Variants in WDR27 observed in about 807,000 individuals in gnomAD.
The protein encoded by WDR27 is WD repeat-containing protein 27.
A neutral mutation model predicts 114.4 loss-of-function variants in WDR27; 100 were observed. The observed-to-expected ratio is 0.87, with a 90% confidence interval of 0.74 to 1.03. The LOEUF (loss-of-function observed/expected upper bound fraction) is 1.03, where lower values mean the gene tolerates loss of function less well. Among genes scored for constraint, WDR27 ranks in the 50% least tolerant of loss-of-function variants. WDR27 has a pLI of 0.00. For missense variants in WDR27, 1,129 were observed against 1,092.9 expected, an observed-to-expected ratio of 1.03 and a Z score of -0.47; for synonymous variants, 449 against 423.1, an observed-to-expected ratio of 1.06 and a Z score of -0.75.
chr6:169,542,660 G>A (rs1187226166), intron 25 of WDR27, among the ~76,000 whole-genome samples: 1 of 152,064 alleles, frequency 6.6e-6, no homozygotes, highest in Non-Finnish European at 1.5e-5. Context: ...CCTGACTTCG[G>A]TAATTGTCCT....
chr6:169,583,298 A>G (rs1227261758), intron 23 of WDR27, among the ~76,000 whole-genome samples: 2 of 34,042 alleles, frequency 5.9e-5, no homozygotes, highest in Non-Finnish European at 1.2e-4. Flanking sequence ...TCCAAATTGA[A>G]TGGAAAAAAA....
chr6:169,675,374 G>A (rs1315272010), intron 2 of WDR27, among the ~76,000 whole-genome samples: 1 of 152,102 alleles, frequency 6.6e-6, no homozygotes, highest in Non-Finnish European at 1.5e-5. Context: ...GGTTCCTGAG[G>A]CCCTCACCAG....
downstream of WDR27, among the ~76,000 whole-genome samples, chr6:169,452,510 CCG>C (rs1784193349): frequency 6.5e-5 from 1 of 15,464 alleles, no homozygotes; most frequent in Non-Finnish European, 1.3e-4. Flanking sequence ...CAGAGAGGAG[CCG>C]TGCGTGGGGT....
intron 3 of WDR27, chr6:169,671,903 G>C (rs1044845773): frequency 6.1e-6 from 1 of 163,160 alleles, no homozygotes; most frequent in Non-Finnish European, 1.3e-5. Context: ...AGGTGCTCAA[G>C]ACCCCTTGCT....
Position 169,546,054 on chromosome 6 carries a change from G to T in WDR27, c.2645+26365C>A, listed in dbSNP as rs368857525. Among the ~76,000 whole-genome samples the T allele has an allele frequency of 1.8e-4, 28 of 151,962 alleles. No homozygotes were observed. The East Asian group carries it at 5.2e-3, about 28-fold the overall frequency. On this transcript the variant is annotated intron_variant, in intron 25 of 25. Coordinates refer to ENST00000448612, the MANE Select transcript of WDR27 (RefSeq NM_182552.5). ...CTCGCCGGCCATTAAGGAAAACACA[G>T]ATCAAAGCCGCAATGCAGTATCTAT...
chr6:169,571,551 C>A (rs549658442), intron 25 of WDR27, among the ~76,000 whole-genome samples: 1 of 152,232 alleles, frequency 6.6e-6, no homozygotes, highest in Middle Eastern at 3.2e-3. Flanking sequence ...CATTGGGCCA[C>A]GTGCGGCAGC....
intron 23 of WDR27, among the ~76,000 whole-genome samples, chr6:169,584,700 T>C (rs542128024): frequency 6.6e-6 from 1 of 152,334 alleles, no homozygotes; most frequent in South Asian, 2.1e-4. Context: ...CATTTTTATA[T>C]TGTCTTTGGA....
Position 169,577,788 on chromosome 6 carries a change from C to T in WDR27, c.2523+5048G>A, listed in dbSNP as rs545614141. Among the ~76,000 whole-genome samples the T allele has an allele frequency of 5.9e-5, 9 of 152,286 alleles. No individual in the cohort carries two copies. In the East Asian group the frequency reaches 1.7e-3, roughly 29 times the overall value. Reference sequence around the variant, plus strand: ...GCCGCAGCAGCTTTTAAACCATTTGCGTTTCTGCCGGTTTGCGCTGGGACA... The same window carrying T: ...GCCGCAGCAGCTTTTAAACCATTTGTGTTTCTGCCGGTTTGCGCTGGGACA... On this transcript the variant is annotated intron_variant, in intron 24 of 25. Coordinates refer to ENST00000448612, the MANE Select transcript of WDR27 (RefSeq NM_182552.5).
chr6:169,658,346 T>C lies in WDR27; in HGVS notation c.1332A>G (p.Leu444=), dbSNP rs1293830854. 6.3e-7 allele frequency: 1 copy of C among 1,597,166 alleles called. No homozygotes were observed. Among genetic ancestry groups the C allele is most frequent in the African/African-American group, 1.3e-5 (1 of 74,540 alleles). Residue 444 remains leucine (L), a synonymous_variant, in exon 13 of 26, where the codon CTA becomes CTG. Transcript: ENST00000448612. ...TTCCCAGATACAGTGGAGAGGTCGG[T>C]AGGACACAGGAGCTGAAACAGAAAC... ...SLSVPASSCV[L]PTSPLYLGIA... is the part of the protein sequence containing the mutation.
chr6:169,444,557 C>T, the WDR27 span, among the ~76,000 whole-genome samples: 176 of 152,334 alleles, frequency 1.2e-3, no homozygotes, highest in Non-Finnish European at 1.4e-3. Context: ...AGGCCAACCA[C>T]CGCTGCCTCC....
chr6:169,538,732 A>T (rs1444291827), intron 25 of WDR27, among the ~76,000 whole-genome samples: 1 of 151,710 alleles, frequency 6.6e-6, no homozygotes, highest in African/African-American at 2.4e-5. Context: ...ACACACACAC[A>T]CACAAACACA....
At chr6:169,670,854 G>T in intron 3 of WDR27, 161 bp from the exon 4 acceptor site, 1 of 1,000,336 alleles carries the variant, frequency 1.0e-6, no homozygotes, top group Non-Finnish European at 1.4e-6. Context: ...CAAAAATACT[G>T]GATATACAGA....
chr6:169,511,319 T>C (rs1260870136), intron 25 of WDR27, among the ~76,000 whole-genome samples: 4 of 152,198 alleles, frequency 2.6e-5, no homozygotes. Context: ...TCCATTAAAA[T>C]CAAATACTTA....
chr6:169,556,868 C>G (rs931678918), intron 25 of WDR27, among the ~76,000 whole-genome samples: 28 of 152,282 alleles, frequency 1.8e-4, no homozygotes, highest in African/African-American at 5.8e-4. Flanking sequence ...GAAAATACTA[C>G]TCCGCAACCA....
intron 6 of WDR27, among the ~76,000 whole-genome samples, chr6:169,665,758 A>G (rs1827685247): frequency 1.3e-5 from 2 of 151,938 alleles, no homozygotes; most frequent in South Asian, 4.1e-4. Context: ...CCCCATAAAC[A>G]CAATGAAGGC....
Position 169,651,136 on chromosome 6 carries a change from TAC to T in WDR27, c.1481+792_1481+793del, listed in dbSNP as rs577433689. Among the ~76,000 whole-genome samples, 28 of 113,324 alleles carry T rather than the reference TAC, an allele frequency of 2.5e-4. No homozygotes were observed. In the South Asian group the frequency reaches 8.4e-3, roughly 34 times the overall value. The allele number at this position is 113,324 out of a possible 152,430, so 74.3% of individuals were successfully genotyped here. A position where few individuals can be genotyped will look rare whatever the true frequency, so the allele number is the denominator to read the frequency against. ...AGCTTGGAGGGTTGGAGGCTGTCTT[TAC>T]ACAGAGTGGCCTGGGATTTCTGCCT... On this transcript the variant is annotated intron_variant, in intron 14 of 25. Transcript: ENST00000448612.
chr6:169,544,919 T>G (rs1797264663), intron 25 of WDR27, among the ~76,000 whole-genome samples: 1 of 152,170 alleles, frequency 6.6e-6, no homozygotes, highest in Admixed American at 6.5e-5. Flanking sequence ...TCAAAATAAA[T>G]GGAAATACAA....
intron 22 of WDR27, among the ~76,000 whole-genome samples, chr6:169,608,916 C>T (rs558468926): frequency 2.0e-4 from 30 of 152,304 alleles, no homozygotes; most frequent in African/African-American, 7.0e-4. Context: ...GGGGTACAGG[C>T]ATTGGGTAAA....
intron 3 of WDR27, chr6:169,671,252 T>C (rs1778673066): frequency 6.5e-6 from 1 of 153,056 alleles, no homozygotes; most frequent in South Asian, 2.1e-4. Flanking sequence ...TCCTAGTGTG[T>C]ACCATGGACC....
Sources: allele counts gnomAD v4.1 joint callset (sites outside exome capture counted in the v4.1 genomes callset), GRCh38; gene constraint gnomAD v4.1.1; transcripts MANE v1.5; gene names NCBI Gene and HGNC (gene_info 2026-07-23, HGNC 2026-07-21).